MIGA1: variants seen among roughly 807,000 people sequenced by gnomAD.
MIGA1 encodes the protein mitoguardin 1.
MIGA1 carries 58 observed loss-of-function variants against 82.0 expected under a neutral mutation model. That is an observed-to-expected ratio of 0.71 (90% CI 0.57 to 0.88). The LOEUF (loss-of-function observed/expected upper bound fraction) is 0.88. Among genes scored for constraint, MIGA1 ranks in the 40% least tolerant of loss-of-function variants. The pLI is 0.00. For missense variants in MIGA1, 751 were observed against 749.1 expected (o/e 1.00, Z -0.03); for synonymous variants, 249 against 253.6 (o/e 0.98, Z 0.17).
intron 7 of MIGA1, among the ~76,000 whole-genome samples, chr1:77,830,416 T>G (rs1455863370): frequency 6.6e-6 from 1 of 152,230 alleles, no homozygotes; most frequent in Non-Finnish European, 1.5e-5. Context: ...TGTAGGTTTT[T>G]GCATTTGAAT....
rs1646885496 is a variant in MIGA1, at chr1:77,875,246, G to GT, written c.*183dup. ...ACAGAAGTTCTGTCATTGAATTCCT[G>GT]TGTAGTGTAGTCATAGTGGCTTTTT... On this transcript the variant is annotated 3_prime_UTR_variant, in exon 16 of 16. Coordinates refer to ENST00000370791, the MANE Select transcript of MIGA1 (RefSeq NM_198549.4). 2 of 557,420 alleles carry GT rather than the reference G, an allele frequency of 3.6e-6. No homozygotes were observed. Among genetic ancestry groups the GT allele is most frequent in the African/African-American group, 3.8e-5 (2 of 52,702 alleles). The allele number at this position is 557,420 out of a possible 1,614,324, so 34.5% of individuals were successfully genotyped here.
intron 12 of MIGA1, 101 bp from the exon 13 acceptor site, chr1:77,863,792 TA>T (rs1006611146): frequency 7.1e-5 from 57 of 801,682 alleles, no homozygotes; most frequent in African/African-American, 1.5e-4. Context: ...ATAAGCTGAT[TA>T]AAAAAAACCC....
At chr1:77,789,210 T>TTG (rs1350819056) in intron 2 of MIGA1, among the ~76,000 whole-genome samples, 1 of 148,562 alleles carries the variant, frequency 6.7e-6, no homozygotes, top group Non-Finnish European at 1.5e-5. Flanking sequence ...GCTTTTTTTT[T>TTG]TTTTTTTTTT....
chr1:77,802,233 G>A (rs1010237292), intron 3 of MIGA1, among the ~76,000 whole-genome samples: 2 of 152,148 alleles, frequency 1.3e-5, no homozygotes, highest in African/African-American at 2.4e-5. Flanking sequence ...CGTACTGAGT[G>A]CAGTGAACAT....
Position 77,861,329 on chromosome 1 carries a change from T to A in MIGA1, c.1374+7T>A, listed in dbSNP as rs1685446431. The A allele has an allele frequency of 3.2e-6, 5 of 1,561,762 alleles. No homozygotes were observed. The highest frequency in any genetic ancestry group is 4.4e-6 in the Non-Finnish European group (5 of 1,136,042). Reference sequence around the variant, plus strand: ...GGAACTTGCTGCTAGAGGGGTAAATTCAAATTTTTTGTGATATTTATTTTT... The same window carrying A: ...GGAACTTGCTGCTAGAGGGGTAAATACAAATTTTTTGTGATATTTATTTTT... On this transcript the variant is annotated splice_region_variant and intron_variant, in intron 12 of 15. Transcript: ENST00000370791.
At chr1:77,784,903 CACTT>C (rs1203540456) in intron 2 of MIGA1, among the ~76,000 whole-genome samples, 2 of 152,126 alleles carry the variant, frequency 1.3e-5, no homozygotes, top group African/African-American at 4.8e-5. Context: ...GATATTGTGA[CACTT>C]ACTCATTATC....
At chr1:77,858,377 G>GTAT (rs1440651288) in intron 8 of MIGA1, among the ~76,000 whole-genome samples, 1 of 151,812 alleles carries the variant, frequency 6.6e-6, no homozygotes, top group Non-Finnish European at 1.5e-5. Context: ...TTGGTTTTCT[G>GTAT]TATGTTCTGT....
chr1:77,780,016 C>G, intron 1 of MIGA1: 5 of 1,198,468 alleles, frequency 4.2e-6, no homozygotes, highest in Non-Finnish European at 5.2e-6. Flanking sequence ...CAGAGGGAGG[C>G]CTGCAAAGGA....
At chr1:77,844,111 AAAATATAT>A (rs1438811355) in intron 8 of MIGA1, among the ~76,000 whole-genome samples, 6 of 53,808 alleles carry the variant, frequency 1.1e-4, no homozygotes, top group South Asian at 5.3e-4. Context: ...AAAAAAAAAA[AAAATATAT>A]ATATATATAT....
intron 5 of MIGA1, among the ~76,000 whole-genome samples, chr1:77,808,729 A>C (rs913016144): frequency 6.6e-6 from 1 of 152,184 alleles, no homozygotes; most frequent in Non-Finnish European, 1.5e-5. Flanking sequence ...AGTAAACTTG[A>C]TGTGGCCTTG....
intron 1 of MIGA1, among the ~76,000 whole-genome samples, chr1:77,781,265 A>AT (rs1318535031): frequency 6.6e-6 from 1 of 152,074 alleles, no homozygotes; most frequent in Non-Finnish European, 1.5e-5. Context: ...TGTTTGCTTT[A>AT]TTTTCTTTCT....
chr1:77,829,971 T>C (rs925565051), intron 7 of MIGA1, among the ~76,000 whole-genome samples: 2 of 150,316 alleles, frequency 1.3e-5, no homozygotes, highest in Non-Finnish European at 3.0e-5. Flanking sequence ...TTTCCTGCAT[T>C]GGTTTCACAG....
rs375753051 is a variant in MIGA1, at chr1:77,852,388, C to G, written c.997-6550C>G. ...TTGCCCTTTAGCATAACATATATTCCTTAAAATATGAGGGGAAATGTTACT... is the reference window on the plus strand; with the variant it reads ...TTGCCCTTTAGCATAACATATATTCGTTAAAATATGAGGGGAAATGTTACT... On this transcript the variant is annotated intron_variant, in intron 8 of 15. Coordinates refer to ENST00000370791, the MANE Select transcript of MIGA1 (RefSeq NM_198549.4). Among the ~76,000 whole-genome samples the G allele has an allele frequency of 2.0e-5, 3 of 152,098 alleles. No homozygotes were observed. The East Asian group carries it at 5.8e-4, about 29-fold the overall frequency.
rs1315347124 is a variant in MIGA1 at position 77,879,432 on chromosome 1, T to A, written c.*4368T>A. The stretch of plus-strand genomic sequence containing the variant: ...TAAGGACTGTACTCATTAATTTGTG[T>A]AAAAGTAAAACACTACAGTAGCAGA... On this transcript the variant is annotated 3_prime_UTR_variant, in exon 16 of 16. Transcript: ENST00000370791. 1 of 152,206 alleles carries A rather than the reference T, an allele frequency of 6.6e-6. No homozygotes were observed. Among genetic ancestry groups the A allele is most frequent in the Non-Finnish European group, 1.5e-5 (1 of 68,038 alleles). The allele number at this position is 152,206 out of a possible 1,614,324, so 9.4% of individuals were successfully genotyped here. A position where few individuals can be genotyped will look rare whatever the true frequency, so the allele number is the denominator to read the frequency against.
Position 77,872,978 on chromosome 1 carries a change from C to T in MIGA1, c.1564-26C>T, listed in dbSNP as rs758876704. ...GCAAGTAACAAGAAGGTAGAAGTAA[C>T]TTGATTCTCCTTTACTTCCCAGCAG... On this transcript the variant is annotated intron_variant, in intron 14 of 15. Coordinates refer to ENST00000370791, the MANE Select transcript of MIGA1 (RefSeq NM_198549.4). 1.2e-5 allele frequency: 19 copies of T among 1,612,610 alleles called. No homozygotes were observed. In the South Asian group the frequency reaches 2.1e-4, roughly 18 times the overall value.
chr1:77,814,531 G>A (rs140997430), intron 6 of MIGA1, among the ~76,000 whole-genome samples: 1 of 152,092 alleles, frequency 6.6e-6, no homozygotes, highest in Non-Finnish European at 1.5e-5. Flanking sequence ...CAAGCAGCTG[G>A]GACTGCAGGC....
chr1:77,848,942 CAA>C (rs1684942598), intron 8 of MIGA1: 1 of 407,890 alleles, frequency 2.5e-6, no homozygotes, highest in East Asian at 4.6e-5. Flanking sequence ...AGGTTAAAAT[CAA>C]AAGTCAGTCT....
chr1:77,869,477 C>G (rs1321832501), intron 14 of MIGA1, among the ~76,000 whole-genome samples: 51 of 138,094 alleles, frequency 3.7e-4, no homozygotes, highest in African/African-American at 1.1e-3. Context: ...CAGACGGGGT[C>G]GTGGCCGGGC....
At chr1:77,799,923 G>C (rs929482840) in intron 2 of MIGA1, among the ~76,000 whole-genome samples, 1 of 149,238 alleles carries the variant, frequency 6.7e-6, no homozygotes, top group Non-Finnish European at 1.5e-5. Context: ...CCTATATCCT[G>C]CTTGTTTTAG....
Sources: gnomAD v4.1 joint callset for allele counts (sites outside exome capture counted in the v4.1 genomes callset) on GRCh38, gnomAD v4.1.1 for gene constraint, MANE v1.5 for transcripts, NCBI Gene and HGNC (gene_info 2026-07-23, HGNC 2026-07-21) for gene names.